SDK1: variants seen among roughly 807,000 people sequenced by gnomAD.
SDK1 encodes the protein sidekick cell adhesion molecule 1.
SDK1 carries 157 observed loss-of-function variants against 245.5 expected under a neutral mutation model. The observed-to-expected ratio is 0.64, with a 90% CI of 0.56 to 0.73. The LOEUF is 0.73. SDK1 is among the 30% of genes least tolerant of loss of function. The pLI, the probability that SDK1 is intolerant of heterozygous loss-of-function variation, is 0.00. For synonymous variants in SDK1, 1,647 were observed against 1,278.5 expected, an observed-to-expected ratio of 1.29 and a Z score of -6.15; for missense variants, 3,583 against 3,002.3, an observed-to-expected ratio of 1.19 and a Z score of -4.52.
chr7:4,231,573 C>CAAA (rs35027378), intron 40 of SDK1, among the ~76,000 whole-genome samples: 109 of 87,622 alleles, frequency 1.2e-3, no homozygotes, highest in African/African-American at 4.6e-3. Flanking sequence ...GGCCCGGTCT[C>CAAA]AAAAAAAAAA....
intron 1 of SDK1, among the ~76,000 whole-genome samples, chr7:3,503,331 G>C (rs1782277349): frequency 6.6e-6 from 1 of 152,160 alleles, no homozygotes; most frequent in Admixed American, 6.5e-5. Context: ...TTCAGCTAAT[G>C]ATGATTGAAT....
chr7:4,191,294 C>A (rs541357866), intron 35 of SDK1, among the ~76,000 whole-genome samples: 10 of 152,224 alleles, frequency 6.6e-5, no homozygotes, highest in Non-Finnish European at 1.3e-4. Context: ...GGCCAGGGTT[C>A]CCTTTCGTGC....
chr7:3,432,754 G>C (rs1278733993), intron 1 of SDK1, among the ~76,000 whole-genome samples: 1 of 152,142 alleles, frequency 6.6e-6, no homozygotes, highest in Admixed American at 6.5e-5. Flanking sequence ...CCACATTTAA[G>C]TTGCTTTTGA....
At chr7:3,829,548 C>G (rs992102266) in intron 5 of SDK1, among the ~76,000 whole-genome samples, 1 of 152,126 alleles carries the variant, frequency 6.6e-6, no homozygotes, top group African/African-American at 2.4e-5. Flanking sequence ...AGGATTCAAG[C>G]CAAAGTTTAT....
At chr7:3,956,672 C>T (rs959620744) in intron 7 of SDK1, among the ~76,000 whole-genome samples, 1 of 152,262 alleles carries the variant, frequency 6.6e-6, no homozygotes, top group Admixed American at 6.5e-5. Context: ...AGACCTTGCC[C>T]ATGCCACAGT....
At chr7:4,076,220 G>A (rs1043369150) in intron 20 of SDK1, among the ~76,000 whole-genome samples, 2 of 152,168 alleles carry the variant, frequency 1.3e-5, no homozygotes, top group East Asian at 1.9e-4. Context: ...AGTTGCAACC[G>A]AAGAGCAAGC....
chr7:3,322,555 T>C (rs1310051661), intron 1 of SDK1, among the ~76,000 whole-genome samples: 1 of 152,140 alleles, frequency 6.6e-6, no homozygotes, highest in Non-Finnish European at 1.5e-5. Context: ...ACCACCAAAC[T>C]CTCTCCCACA....
In SDK1 at chr7:3,971,542, C is replaced by T. The variant is rs1562595461; in HGVS notation, c.1791C>T (p.Ala597=). Residue 597 remains alanine (A), a synonymous_variant, in exon 12 of 45, where the codon GCC becomes GCT. Transcript: ENST00000404826. Reference sequence around the variant, plus strand: ...CCACGGCCACGCTGCACTGTGGTGCCACACATGACCCCCGGGTTTCACTCC... The same window carrying T: ...CCACGGCCACGCTGCACTGTGGTGCTACACATGACCCCCGGGTTTCACTCC... ...KGTTATLHCG[A]THDPRVSLRY... The T allele has an allele frequency of 6.2e-7, 1 of 1,613,162 alleles. No individual in the cohort carries two copies. Among genetic ancestry groups the T allele is most frequent in the South Asian group, 1.1e-5 (1 of 90,806 alleles).
At chr7:3,826,208 A>G (rs1360807280) in intron 5 of SDK1, among the ~76,000 whole-genome samples, 1 of 152,114 alleles carries the variant, frequency 6.6e-6, no homozygotes, top group Non-Finnish European at 1.5e-5. Context: ...TTGAGCATTT[A>G]CTCCTTATGC....
At chr7:4,062,999 A>G (rs551401705) in intron 19 of SDK1, among the ~76,000 whole-genome samples, 2 of 152,320 alleles carry the variant, frequency 1.3e-5, no homozygotes, top group Non-Finnish European at 2.9e-5. Flanking sequence ...AGCTAACATC[A>G]CACTGAATGG....
intron 1 of SDK1, among the ~76,000 whole-genome samples, chr7:3,421,532 G>A (rs942539088): frequency 2.6e-5 from 4 of 152,162 alleles, no homozygotes; most frequent in Non-Finnish European, 4.4e-5. Flanking sequence ...GTTTTAGATT[G>A]ACATTAGTTT....
At chr7:3,590,488 T>C (rs1461239386) in intron 1 of SDK1, among the ~76,000 whole-genome samples, 2 of 152,204 alleles carry the variant, frequency 1.3e-5, no homozygotes, top group Non-Finnish European at 2.9e-5. Context: ...ATTTAAGATA[T>C]TTCATTTAGC....
intron 4 of SDK1, among the ~76,000 whole-genome samples, chr7:3,658,774 C>G (rs950563880): frequency 2.6e-5 from 4 of 152,048 alleles, no homozygotes; most frequent in African/African-American, 9.7e-5. Context: ...GCCACCACAC[C>G]TGACTAATGT....
chr7:4,033,560 G>T, intron 17 of SDK1, among the ~76,000 whole-genome samples: 1 of 152,156 alleles, frequency 6.6e-6, no homozygotes, highest in East Asian at 1.9e-4. Flanking sequence ...GGAAATCTTT[G>T]CAGTTTATAT....
chr7:3,690,728 A>G (rs1235207576), intron 4 of SDK1, among the ~76,000 whole-genome samples: 1 of 152,216 alleles, frequency 6.6e-6, no homozygotes, highest in East Asian at 1.9e-4. Context: ...TTATACTGAT[A>G]TATTTTTCAA....
At chr7:3,713,962 A>G (rs760415792) in intron 4 of SDK1, among the ~76,000 whole-genome samples, 2 of 152,210 alleles carry the variant, frequency 1.3e-5, no homozygotes, top group Non-Finnish European at 2.9e-5. Flanking sequence ...AAGAGAGAGC[A>G]CCTCAGACCC....
chr7:4,056,485 T>C (rs959680050), intron 19 of SDK1, among the ~76,000 whole-genome samples: 4 of 152,100 alleles, frequency 2.6e-5, no homozygotes, highest in Non-Finnish European at 4.4e-5. Context: ...GAAGCACCTA[T>C]GGCAAGGAGG....
intron 13 of SDK1, among the ~76,000 whole-genome samples, chr7:3,983,763 GA>G (rs1006049185): frequency 3.3e-5 from 5 of 152,188 alleles, no homozygotes; most frequent in African/African-American, 1.2e-4. Context: ...GGGAGAGACT[GA>G]AACTGGGAAA....
chr7:4,065,556 A>T (rs897613178), intron 19 of SDK1, among the ~76,000 whole-genome samples: 10 of 152,198 alleles, frequency 6.6e-5, no homozygotes, highest in African/African-American at 2.2e-4. Flanking sequence ...CTGGAGGCTC[A>T]CAATTGTGGG....
Sources: gnomAD v4.1 joint callset for allele counts (sites outside exome capture counted in the v4.1 genomes callset) on GRCh38, gnomAD v4.1.1 for gene constraint, MANE v1.5 for transcripts, NCBI Gene and HGNC (gene_info 2026-07-23, HGNC 2026-07-21) for gene names.